Variants in SLC16A12 observed in about 807,000 individuals in gnomAD.
SLC16A12 encodes the protein monocarboxylate transporter 12.
In SLC16A12, 17 loss-of-function variants were observed where a neutral mutation model predicts 42.4. The observed-to-expected ratio is 0.40, with a 90% CI of 0.27 to 0.60. The LOEUF (loss-of-function observed/expected upper bound fraction) is 0.60. SLC16A12 is among the 20% of genes least tolerant of loss of function. The pLI, the probability that SLC16A12 is intolerant of heterozygous loss-of-function variation, is 0.42. For synonymous variants in SLC16A12, 224 were observed against 229.4 expected (o/e 0.98, Z 0.21); for missense variants, 544 against 623.0 (o/e 0.87, Z 1.35).
intron 2 of SLC16A12, among the ~76,000 whole-genome samples, chr10:89,524,499 G>A (rs895402299): frequency 3.3e-5 from 5 of 152,164 alleles, no homozygotes; most frequent in African/African-American, 1.2e-4. Context: ...CAGCGCTTTT[G>A]CACCTGTTGC....
chr10:89,555,629 A>G (rs1271349426), intron 2 of SLC16A12, among the ~76,000 whole-genome samples: 3 of 145,862 alleles, frequency 2.1e-5, no homozygotes, highest in African/African-American at 5.0e-5. Flanking sequence ...ATATGTATAT[A>G]TACACATATA....
At position 89,438,882 on chromosome 10, in the gene SLC16A12, C is replaced by T. The variant is rs767514869; in HGVS notation, c.750G>A (p.Lys250=). The change falls in exon 6 of 8, where the codon AAG becomes AAA. Residue 250 remains lysine (K), a synonymous_variant. Transcript: ENST00000371790. ...HVCRTQKEDI[K]RVSPYSSLTK... is the part of the protein sequence containing the mutation. Reference sequence around the variant, plus strand: ...TCAAAGATGAATAGGGAGACACCCGCTTAATGTCTTCTTTCTGAGTTCTAC... The same window carrying T: ...TCAAAGATGAATAGGGAGACACCCGTTTAATGTCTTCTTTCTGAGTTCTAC... The T allele has an allele frequency of 1.3e-5, 21 of 1,613,242 alleles. No homozygotes were observed. In the Admixed American group the frequency reaches 3.3e-4, roughly 26 times the overall value.
intron 2 of SLC16A12, among the ~76,000 whole-genome samples, chr10:89,494,826 T>A (rs1842898985): frequency 6.6e-6 from 1 of 152,162 alleles, no homozygotes; most frequent in Non-Finnish European, 1.5e-5. Flanking sequence ...ATAGGACTGA[T>A]GGAAAGTTTG....
At position 89,527,398 on chromosome 10, in the gene SLC16A12, G is replaced by A. The variant is rs528386770; in HGVS notation, c.-47+7103C>T. ...CTCAGGAGGCTGAGGCAGGAGAATCGCTTGAACCCAGGAGGCAGAGGTTGC... is the reference window on the plus strand; with the variant it reads ...CTCAGGAGGCTGAGGCAGGAGAATCACTTGAACCCAGGAGGCAGAGGTTGC... On this transcript the variant is annotated intron_variant, in intron 2 of 7. Coordinates refer to ENST00000371790, the MANE Select transcript of SLC16A12 (RefSeq NM_213606.4). Among the ~76,000 whole-genome samples, 54 of 152,022 alleles carry A rather than the reference G, an allele frequency of 3.6e-4. No individual in the cohort carries two copies. The South Asian group carries it at 8.5e-3, about 24-fold the overall frequency.
chr10:89,436,252 A>T lies in SLC16A12; in HGVS notation c.1096T>A (p.Cys366Ser). The change falls in exon 7 of 8, where the codon TGC becomes AGC. Residue 366 changes from cysteine (C) to serine (S), a missense_variant. Transcript: ENST00000371790. ...GGGAGACTTTGAAGCATTGGGAGGC[A>T]GAGATAGCAGAGCCCATCCATTCCC... ...AVGMDGLCYL[C>S]LPMLQSLPLL... 1 of 1,614,174 alleles carries T rather than the reference A, an allele frequency of 6.2e-7. No individual in the cohort carries two copies. Among genetic ancestry groups the T allele is most frequent in the Non-Finnish European group, 8.5e-7 (1 of 1,180,002 alleles).
intron 2 of SLC16A12, among the ~76,000 whole-genome samples, chr10:89,546,796 A>G (rs928209271): frequency 2.0e-5 from 3 of 152,222 alleles, no homozygotes; most frequent in Admixed American, 6.5e-5. Flanking sequence ...ATGCCCATCA[A>G]TGATAGACTG....
At chr10:89,510,224 G>GA (rs1487902919) in intron 2 of SLC16A12, among the ~76,000 whole-genome samples, 1 of 152,098 alleles carries the variant, frequency 6.6e-6, no homozygotes, top group Non-Finnish European at 1.5e-5. Context: ...CACAGAATTG[G>GA]AAAAAACTAC....
chr10:89,507,804 A>T (rs547830302), intron 2 of SLC16A12, among the ~76,000 whole-genome samples: 1 of 152,360 alleles, frequency 6.6e-6, no homozygotes, highest in East Asian at 1.9e-4. Context: ...AAGAGTCAAG[A>T]TCCATCAGTG....
chr10:89,483,840 T>C (rs1015918369), intron 2 of SLC16A12, among the ~76,000 whole-genome samples: 3 of 152,118 alleles, frequency 2.0e-5, no homozygotes, highest in African/African-American at 7.2e-5. Context: ...TTCTTAGTGC[T>C]TTTTACACAT....
chr10:89,504,891 C>G (rs964429633), intron 2 of SLC16A12, among the ~76,000 whole-genome samples: 2 of 152,100 alleles, frequency 1.3e-5, no homozygotes, highest in African/African-American at 4.8e-5. Flanking sequence ...CCCCGAGCAC[C>G]AGAGCATGAT....
chr10:89,540,479 A>G (rs944708586), upstream of SLC16A12, among the ~76,000 whole-genome samples: 2 of 152,066 alleles, frequency 1.3e-5, no homozygotes, highest in African/African-American at 4.8e-5. Context: ...CTTAGACTTT[A>G]GCCCCTATTT....
At chr10:89,534,257 C>T (rs1286468830) in intron 2 of SLC16A12, among the ~76,000 whole-genome samples, 1 of 152,086 alleles carries the variant, frequency 6.6e-6, no homozygotes, top group Non-Finnish European at 1.5e-5. Flanking sequence ...CAGTTTGGCA[C>T]GACATTTATG....
At chr10:89,493,121 T>A (rs1842870169) in intron 2 of SLC16A12, among the ~76,000 whole-genome samples, 2 of 152,178 alleles carry the variant, frequency 1.3e-5, no homozygotes, top group Non-Finnish European at 2.9e-5. Flanking sequence ...AAGAAATACG[T>A]GTTGCTGAAA....
intron 2 of SLC16A12, among the ~76,000 whole-genome samples, chr10:89,508,048 T>A (rs2133833081): frequency 6.6e-6 from 1 of 152,160 alleles, no homozygotes; most frequent in East Asian, 1.9e-4. Context: ...TATATATGCA[T>A]CCAAACAGGA....
chr10:89,496,837 G>A (rs1379212819), intron 2 of SLC16A12, among the ~76,000 whole-genome samples: 1 of 152,126 alleles, frequency 6.6e-6, no homozygotes, highest in Non-Finnish European at 1.5e-5. Flanking sequence ...AAGACAGAGA[G>A]TGGAAGAATA....
chr10:89,548,624 T>C (rs567873718), intron 2 of SLC16A12, among the ~76,000 whole-genome samples: 1 of 152,240 alleles, frequency 6.6e-6, no homozygotes, highest in African/African-American at 2.4e-5. Context: ...GAGACCAGCC[T>C]GGCCAACATG....
chr10:89,472,487 CTTTTTTT>C (rs71022567), intron 2 of SLC16A12, among the ~76,000 whole-genome samples: 11 of 89,896 alleles, frequency 1.2e-4, no homozygotes, highest in East Asian at 3.5e-4. Flanking sequence ...TCTTTTCTTT[CTTTTTTT>C]TTTTTTTTTT....
At chr10:89,520,941 A>G (rs971038309) in intron 2 of SLC16A12, among the ~76,000 whole-genome samples, 6 of 152,194 alleles carry the variant, frequency 3.9e-5, no homozygotes, top group African/African-American at 1.2e-4. Flanking sequence ...GAACACGTAC[A>G]TGCTCAGTAA....
At chr10:89,452,325 T>C (rs1479550599) in intron 3 of SLC16A12, among the ~76,000 whole-genome samples, 2 of 152,352 alleles carry the variant, frequency 1.3e-5, no homozygotes, top group Middle Eastern at 3.4e-3. Flanking sequence ...GTATGAGCTA[T>C]AAAATAAGAG....
Sources: allele counts gnomAD v4.1 joint callset (sites outside exome capture counted in the v4.1 genomes callset), GRCh38; gene constraint gnomAD v4.1.1; transcripts MANE v1.5; gene names NCBI Gene and HGNC (gene_info 2026-07-23, HGNC 2026-07-21).